Variants in PSMA7 observed in about 807,000 individuals in gnomAD.
PSMA7 encodes the protein proteasome 20S subunit alpha 7.
PSMA7 carries 5 observed loss-of-function variants against 31.3 expected under a neutral mutation model. The observed-to-expected ratio is 0.16, with a 90% CI of 0.08 to 0.34. The LOEUF is 0.34. PSMA7 is among the 10% of genes least tolerant of loss of function. The pLI, the probability that PSMA7 is intolerant of heterozygous loss-of-function variation, is 1.00. For missense variants in PSMA7, 217 were observed against 327.5 expected (o/e 0.66, Z 2.60); for synonymous variants, 155 against 121.9 (o/e 1.27, Z -1.79).
rs139863619 is a variant in PSMA7, at chr20:62,139,168, C to A, written c.378G>T (p.Pro126=). The change falls in exon 4 of 7, where the codon CCG becomes CCT. Residue 126 remains proline (P), a synonymous_variant. Coordinates refer to ENST00000370873, the MANE Select transcript of PSMA7 (RefSeq NM_002792.4). ...CCACGATGAGGGCAGAGATGCCAAA[C>A]GGCCTGCGCCCATTGCTCTGCGTAT... ...QRYTQSNGRR[P]FGISALIVGF... 29 of 1,614,066 alleles carry A rather than the reference C, an allele frequency of 1.8e-5. No individual in the cohort carries two copies. The highest frequency in any genetic ancestry group is 2.3e-5 in the Non-Finnish European group (27 of 1,180,012).
intron 5 of PSMA7, 131 bp downstream of exon 5, chr20:62,138,040 G>A: frequency 1.6e-6 from 2 of 1,244,534 alleles, no homozygotes; most frequent in African/African-American, 1.5e-5. Flanking sequence ...CCAGAGCAGT[G>A]CCTGGAACAC....
chr20:62,138,322 T>A (rs1454903197), intron 4 of PSMA7, 32 bp from the exon 5 acceptor site: 1 of 1,571,010 alleles, frequency 6.4e-7, no homozygotes, highest in East Asian at 2.3e-5. Context: ...TCACGTGGCA[T>A]AGGGCATGAC....
Position 62,143,199 on chromosome 20 carries a change from C to G in PSMA7, c.96+9G>C, listed in dbSNP as rs2056951277. On this transcript the variant is annotated intron_variant, in intron 1 of 6. Transcript: ENST00000370873. ...CGTCCCCGGCCCCGCGCAGGCCCCG[C>G]CGCCTCACCGCGGTCGAGCCCTTCT... 7.2e-7 allele frequency: 1 copy of G among 1,385,634 alleles called. No homozygotes were observed. Among genetic ancestry groups the G allele is most frequent in the Non-Finnish European group, 9.4e-7 (1 of 1,059,610 alleles). The allele number at this position is 1,385,634 out of a possible 1,614,324, so 85.8% of individuals were successfully genotyped here. A position where few individuals can be genotyped will look rare whatever the true frequency, so the allele number is the denominator to read the frequency against.
At chr20:62,140,716 T>TTA in intron 2 of PSMA7, 102 bp downstream of exon 2, 4 of 1,404,084 alleles carry the variant, frequency 2.8e-6, no homozygotes, top group Non-Finnish European at 3.9e-6. Flanking sequence ...ATTTACTCAG[T>TTA]TTATATGGCT....
intron 4 of PSMA7, 134 bp downstream of exon 4, chr20:62,138,941 G>T: frequency 8.6e-7 from 1 of 1,159,450 alleles, no homozygotes; most frequent in Non-Finnish European, 1.2e-6. Context: ...TCATTTTCTT[G>T]CTCTCATAGG....
chr20:62,138,130 G>A, intron 5 of PSMA7, 41 bp downstream of exon 5: 3 of 1,613,316 alleles, frequency 1.9e-6, no homozygotes, highest in Non-Finnish European at 2.5e-6. Context: ...CCAAAACGTG[G>A]TATCTTCACC....
At chr20:62,140,323 G>A (rs1488045614) in intron 2 of PSMA7, among the ~76,000 whole-genome samples, 1 of 152,204 alleles carries the variant, frequency 6.6e-6, no homozygotes, top group Non-Finnish European at 1.5e-5. Context: ...CTTAGAAATT[G>A]AGTTAATCCC....
In PSMA7 at chr20:62,139,798, T is replaced by C. The variant is rs1380558981; in HGVS notation, c.331A>G (p.Ile111Val). 8 of 1,614,090 alleles carry C rather than the reference T, an allele frequency of 5.0e-6. No homozygotes were observed. In the South Asian group the frequency reaches 8.8e-5, roughly 18 times the overall value. ...PVTVEYITRY[I>V]ASLKQRYTQS... ...GCACCCACCTGCTTCAGACTGGCGATGTAGCGGGTGATGTACTCCACAGTG... is the reference window on the plus strand; with the variant it reads ...GCACCCACCTGCTTCAGACTGGCGACGTAGCGGGTGATGTACTCCACAGTG... Residue 111 changes from isoleucine (I) to valine (V), a missense_variant, in exon 3 of 7, where the codon ATC (isoleucine) becomes GTC (valine). Ile to Val is a conservative substitution (Grantham distance 29, BLOSUM62 3). This residue lies in a region of PSMA7 where 53 missense variants were observed against 119.4 expected (regional missense o/e 0.44). Transcript: ENST00000370873.
chr20:62,143,374 C>G lies in PSMA7; in HGVS notation c.-71G>C, dbSNP rs2056954238. ...CGCACACTCACGGCCCGCGCGCACC[C>G]GCGACTCCCGGCGCCACTACGCCCG... On this transcript the variant is annotated 5_prime_UTR_variant, in exon 1 of 7. Transcript: ENST00000370873. 4 of 896,922 alleles carry G rather than the reference C, an allele frequency of 4.5e-6. No individual in the cohort carries two copies. The highest frequency in any genetic ancestry group is 4.3e-6 in the Non-Finnish European group (3 of 698,126). The allele number at this position is 896,922 out of a possible 1,614,324, so 55.6% of individuals were successfully genotyped here.
chr20:62,140,231 A>G (rs370079246), intron 2 of PSMA7, among the ~76,000 whole-genome samples: 2 of 152,252 alleles, frequency 1.3e-5, no homozygotes, highest in East Asian at 3.8e-4. Context: ...TTAAAAACAC[A>G]GATCAACAGG....
Position 62,138,230 on chromosome 20 carries a change from C to A in PSMA7, c.532G>T (p.Asp178Tyr), listed in dbSNP as rs780953315. ...AGATCATCTGTTTCAATGGCTTCGTCAGTATAGTTCTTCTCCAGGAACTCG... is the reference window on the plus strand; with the variant it reads ...AGATCATCTGTTTCAATGGCTTCGTAAGTATAGTTCTTCTCCAGGAACTCG... Reference protein sequence around the residue: ...VREFLEKNYTDEAIETDDLTI... With the variant: ...VREFLEKNYTYEAIETDDLTI... Residue 178 changes from aspartate to tyrosine, a missense_variant, in exon 5 of 7, where the codon GAC becomes TAC. Physicochemically the swap from Asp to Tyr is radical, Grantham distance 160 (BLOSUM62 -3). Transcript: ENST00000370873. The A allele has an allele frequency of 1.3e-5, 21 of 1,614,042 alleles. No individual in the cohort carries two copies. In the Admixed American group the frequency reaches 3.2e-4, roughly 24 times the overall value.
intron 6 of PSMA7, 119 bp downstream of exon 6, chr20:62,137,245 T>C (rs993555742): frequency 2.0e-5 from 22 of 1,102,298 alleles, no homozygotes; most frequent in Admixed American, 6.3e-5. Context: ...AGAAAGACAT[T>C]TTCCTAATGT....
At position 62,136,909 on chromosome 20, in the gene PSMA7, A is replaced by G. The variant is rs2056897473; in HGVS notation, c.695T>C (p.Ile232Thr). ...PEEIEKYVAE[I>T]EKEKEENEKK... ...TTCGTTTTCTTCTTTTTCTTTTTCAATTTCAGCAACATACTTCTCAATTTC... is the reference window on the plus strand; with the variant it reads ...TTCGTTTTCTTCTTTTTCTTTTTCAGTTTCAGCAACATACTTCTCAATTTC... Residue 232 changes from isoleucine (I) to threonine (T), a missense_variant, in exon 7 of 7, where the codon ATT becomes ACT. Physicochemically the swap from Ile to Thr is moderately conservative, Grantham distance 89. Transcript: ENST00000370873. The G allele has an allele frequency of 2.5e-6, 4 of 1,601,566 alleles. No individual in the cohort carries two copies. The East Asian group carries it at 6.7e-5, about 27-fold the overall frequency.
intron 5 of PSMA7, among the ~76,000 whole-genome samples, chr20:62,137,960 G>GA (rs1260348111): frequency 1.3e-5 from 2 of 152,046 alleles, no homozygotes; most frequent in African/African-American, 2.4e-5. Flanking sequence ...GCCCCGGCTG[G>GA]ATAAAGACAC....
rs748788899 is a variant in PSMA7, at chr20:62,137,409, G to C, written c.609C>G (p.Gly203=). 1 of 1,613,992 alleles carries C rather than the reference G, an allele frequency of 6.2e-7. No individual in the cohort carries two copies. The highest frequency in any genetic ancestry group is 8.5e-7 in the Non-Finnish European group (1 of 1,180,016). ...TCATGACAGCAAGTTCAATGTTTTT[G>C]CCACCTGACTGAACCACCTTGAAGG... is the stretch of plus-strand genomic sequence containing the variant. The part of the protein sequence containing the change: ...KALLEVVQSG[G]KNIELAVMRR... The change falls in exon 6 of 7, where the codon GGC becomes GGG. Residue 203 remains glycine, a synonymous_variant. Coordinates refer to ENST00000370873, the MANE Select transcript of PSMA7 (RefSeq NM_002792.4).
intron 4 of PSMA7, 78 bp downstream of exon 4, chr20:62,138,997 G>A: frequency 6.5e-7 from 1 of 1,547,942 alleles, no homozygotes; most frequent in South Asian, 1.2e-5. Context: ...AGGGCCTACA[G>A]CAGGAAGCCC....
rs1237233892 is a variant in PSMA7, at chr20:62,143,333, C to T, written c.-30G>A. ...GCGGGCGGCGGCCGGGCTCCTTCCG[C>T]CGCGACTCTCAAAAGCGCACACTCA... On this transcript the variant is annotated 5_prime_UTR_variant, in exon 1 of 7. Coordinates refer to ENST00000370873, the MANE Select transcript of PSMA7 (RefSeq NM_002792.4). 2.2e-6 allele frequency: 3 copies of T among 1,343,470 alleles called. No homozygotes were observed. Among genetic ancestry groups the T allele is most frequent in the Non-Finnish European group, 2.0e-6 (2 of 1,024,276 alleles). The allele number at this position is 1,343,470 out of a possible 1,614,324, so 83.2% of individuals were successfully genotyped here.
intron 1 of PSMA7, 21 bp downstream of exon 1, chr20:62,143,187 G>T (rs1227612684): frequency 4.4e-6 from 6 of 1,361,442 alleles, no homozygotes; most frequent in Non-Finnish European, 4.8e-6. Context: ...CCCCGGCCCC[G>T]CGCAGGCCCC....
At chr20:62,137,866 C>G (rs555335766) in intron 5 of PSMA7, among the ~76,000 whole-genome samples, 5 of 152,214 alleles carry the variant, frequency 3.3e-5, no homozygotes, top group African/African-American at 1.2e-4. Flanking sequence ...AGTGATGGCT[C>G]GAGAACAGAT....
Sources: allele counts gnomAD v4.1 joint callset (sites outside exome capture counted in the v4.1 genomes callset), GRCh38; gene constraint gnomAD v4.1.1; regional missense constraint gnomAD v4.1.1; transcripts MANE v1.5; gene names NCBI Gene and HGNC (gene_info 2026-07-23, HGNC 2026-07-21).